Variants in PPP4R3B observed in about 807,000 individuals in gnomAD.
PPP4R3B encodes protein phosphatase 4 regulatory subunit 3B, also known as serine/threonine-protein phosphatase 4 regulatory subunit 3B.
Under a neutral mutation model 95.4 loss-of-function variants are expected in PPP4R3B, and 52 were observed. The ratio of observed to expected loss-of-function variants is 0.54; its 90% CI spans 0.44 to 0.69. PPP4R3B has a LOEUF of 0.69. PPP4R3B is among the 30% of genes least tolerant of loss of function. The pLI, the probability that PPP4R3B is intolerant of heterozygous loss-of-function variation, is 0.00. For missense variants in PPP4R3B, 1,003 were observed against 1,005.9 expected, an observed-to-expected ratio of 1.00 and a Z score of 0.04; for synonymous variants, 407 against 343.9, an observed-to-expected ratio of 1.18 and a Z score of -2.03.
In PPP4R3B at chr2:55,598,597, T is replaced by G; in HGVS notation, c.740A>C (p.Lys247Thr). 1 of 1,614,220 alleles carries G rather than the reference T, an allele frequency of 6.2e-7. No homozygotes were observed. Among genetic ancestry groups the G allele is most frequent in the Non-Finnish European group, 8.5e-7 (1 of 1,180,042 alleles). ...RHREFLTKTA[K>T]FKEVIPITDS... ...TGTTATTGGTATAACTTCCTTGAAC[T>G]TTGCAGTTTTGGTCAAGAATTCTCT... Residue 247 changes from lysine to threonine, a missense_variant, in exon 4 of 17, where the codon AAG (lysine) becomes ACG (threonine). Lys to Thr is a moderately conservative substitution (Grantham distance 78). Coordinates refer to ENST00000616407, the MANE Select transcript of PPP4R3B (RefSeq NM_001122964.3).
chr2:55,554,225 C>T (rs1319708596), intron 16 of PPP4R3B, among the ~76,000 whole-genome samples: 2 of 152,164 alleles, frequency 1.3e-5, no homozygotes. Flanking sequence ...CCACCATGTC[C>T]AGCTAATTTT....
At chr2:55,577,412 T>A in intron 10 of PPP4R3B, 56 bp from the exon 11 acceptor site, 1 of 1,349,840 alleles carries the variant, frequency 7.4e-7, no homozygotes, top group African/African-American at 1.5e-5. Flanking sequence ...ATCCCAGATT[T>A]CCCTAGTACT....
At chr2:55,577,213 T>A in intron 11 of PPP4R3B, 102 bp downstream of exon 11, 1 of 1,391,742 alleles carries the variant, frequency 7.2e-7, no homozygotes, top group African/African-American at 1.5e-5. Flanking sequence ...TTTGTTTTTA[T>A]GCCAAAATAT....
intron 4 of PPP4R3B, among the ~76,000 whole-genome samples, chr2:55,590,555 G>A (rs1690864366): frequency 6.6e-6 from 1 of 151,792 alleles, no homozygotes; most frequent in Non-Finnish European, 1.5e-5. Context: ...GGAAAAAATG[G>A]GCAAAAATAT....
intron 13 of PPP4R3B, among the ~76,000 whole-genome samples, chr2:55,567,308 G>A (rs771130987): frequency 6.6e-6 from 1 of 152,152 alleles, no homozygotes; most frequent in African/African-American, 2.4e-5. Context: ...TTAATTTCCT[G>A]ATCTATAAAA....
chr2:55,610,270 T>C (rs938081582), intron 2 of PPP4R3B, among the ~76,000 whole-genome samples: 1 of 152,208 alleles, frequency 6.6e-6, no homozygotes, highest in African/African-American at 2.4e-5. Flanking sequence ...TCAAAGATCT[T>C]CTGCTCCACC....
chr2:55,590,176 A>T (rs1046387444), intron 4 of PPP4R3B, among the ~76,000 whole-genome samples: 6 of 150,578 alleles, frequency 4.0e-5, no homozygotes, highest in Non-Finnish European at 8.9e-5. Context: ...AAAAATACAA[A>T]ACTAGCCAGG....
intron 13 of PPP4R3B, 92 bp from the exon 14 acceptor site, chr2:55,565,133 CA>C (rs1558958135): frequency 9.7e-7 from 1 of 1,033,592 alleles, no homozygotes; most frequent in Admixed American, 3.6e-5. Context: ...TAAAGCTGAT[CA>C]AAAAAGGTTT....
chr2:55,589,786 G>C (rs542953605), intron 4 of PPP4R3B, among the ~76,000 whole-genome samples: 6 of 151,040 alleles, frequency 4.0e-5, no homozygotes, highest in African/African-American at 1.2e-4. Context: ...CATGGTGGTG[G>C]GCGCCTGTAG....
chr2:55,559,061 T>C (rs1258732439), intron 15 of PPP4R3B, 93 bp from the exon 16 acceptor site: 18 of 1,028,110 alleles, frequency 1.8e-5, no homozygotes, highest in Middle Eastern at 3.3e-4. Context: ...TTATAAAACA[T>C]TGCTGCCCGG....
intron 12 of PPP4R3B, among the ~76,000 whole-genome samples, chr2:55,571,070 G>T (rs781661740): frequency 3.9e-5 from 6 of 152,158 alleles, no homozygotes; most frequent in Non-Finnish European, 7.4e-5. Flanking sequence ...CAGCCCTTTG[G>T]GAGGCTGAGG....
chr2:55,609,114 C>G (rs1258431028), intron 2 of PPP4R3B, among the ~76,000 whole-genome samples: 1 of 152,138 alleles, frequency 6.6e-6, no homozygotes, highest in Non-Finnish European at 1.5e-5. Flanking sequence ...GTTCTTTTCT[C>G]AATTTATAGC....
chr2:55,608,411 A>C (rs983546148), intron 2 of PPP4R3B, among the ~76,000 whole-genome samples: 1 of 152,222 alleles, frequency 6.6e-6, no homozygotes, highest in Non-Finnish European at 1.5e-5. Context: ...TGACCCTGGG[A>C]AACAGTCAAC....
chr2:55,589,628 T>C (rs1343555934), intron 4 of PPP4R3B, among the ~76,000 whole-genome samples: 1 of 152,012 alleles, frequency 6.6e-6, no homozygotes, highest in Non-Finnish European at 1.5e-5. Flanking sequence ...AAAAATATAG[T>C]CAAGTGGCCA....
intron 4 of PPP4R3B, among the ~76,000 whole-genome samples, chr2:55,598,206 C>T (rs565623478): frequency 3.3e-5 from 5 of 152,042 alleles, no homozygotes; most frequent in Non-Finnish European, 7.4e-5. Context: ...GGCGACAGAA[C>T]GAGACTCCGA....
intron 16 of PPP4R3B, among the ~76,000 whole-genome samples, chr2:55,554,972 TG>T (rs1202503141): frequency 6.6e-6 from 1 of 152,140 alleles, no homozygotes; most frequent in Non-Finnish European, 1.5e-5. Context: ...GATATCCAGT[TG>T]TAACATTTAT....
chr2:55,589,011 C>A, intron 4 of PPP4R3B, 55 bp from the exon 5 acceptor site: 1 of 1,059,878 alleles, frequency 9.4e-7, no homozygotes, highest in South Asian at 1.4e-5. Flanking sequence ...AAGTTATACT[C>A]ATTTATATGA....
chr2:55,564,631 T>G, intron 14 of PPP4R3B, 134 bp from the exon 15 acceptor site: 1 of 826,678 alleles, frequency 1.2e-6, no homozygotes, highest in Non-Finnish European at 1.8e-6. Flanking sequence ...AAATAATCTC[T>G]GTAATGATAG....
At chr2:55,612,780 T>TA (rs1229802100) in intron 2 of PPP4R3B, among the ~76,000 whole-genome samples, 4 of 151,728 alleles carry the variant, frequency 2.6e-5, no homozygotes, top group African/African-American at 9.7e-5. Flanking sequence ...CCATCTCTAC[T>TA]AAAAAATACA....
Sources: gnomAD v4.1 joint callset for allele counts (sites outside exome capture counted in the v4.1 genomes callset) on GRCh38, gnomAD v4.1.1 for gene constraint, MANE v1.5 for transcripts, NCBI Gene and HGNC (gene_info 2026-07-23, HGNC 2026-07-21) for gene names.